STAU2: variants seen among roughly 807,000 people sequenced by gnomAD.
STAU2 encodes the protein double-stranded RNA-binding protein Staufen homolog 2.
In STAU2, 20 loss-of-function variants were observed where a neutral mutation model predicts 65.9. The observed-to-expected ratio is 0.30, with a 90% CI of 0.21 to 0.44. STAU2 has a LOEUF of 0.44. Among genes scored for constraint, STAU2 ranks in the 20% least tolerant of loss-of-function variants. The pLI is 1.00. For missense variants in STAU2, 558 were observed against 683.9 expected, an observed-to-expected ratio of 0.82 and a Z score of 2.05; for synonymous variants, 232 against 233.9, an observed-to-expected ratio of 0.99 and a Z score of 0.07.
At chr8:73,561,556 C>G (rs944470743) in intron 12 of STAU2, 5 of 454,142 alleles carry the variant, frequency 1.1e-5, no homozygotes, top group African/African-American at 1.0e-4. Context: ...CAGAAAAACA[C>G]CAAAAAATGG....
intron 3 of STAU2, among the ~76,000 whole-genome samples, chr8:73,727,358 C>T (rs1181862310): frequency 6.6e-6 from 1 of 152,228 alleles, no homozygotes; most frequent in Non-Finnish European, 1.5e-5. Flanking sequence ...ATTCAACACC[C>T]ATTAGGCAGT....
Position 73,739,779 on chromosome 8 carries a change from C to T in STAU2, c.-107G>A. On this transcript the variant is annotated 5_prime_UTR_variant, in exon 2 of 15. Coordinates refer to ENST00000524300, the MANE Select transcript of STAU2 (RefSeq NM_001164380.2). Reference sequence around the variant, plus strand: ...ACCTTCTGAGCCTTGGTTCAAATTACTTTGTGTATCTTTGAGTTCTTCTTT... The same window carrying T: ...ACCTTCTGAGCCTTGGTTCAAATTATTTTGTGTATCTTTGAGTTCTTCTTT... 3 of 1,520,848 alleles carry T rather than the reference C, an allele frequency of 2.0e-6. No individual in the cohort carries two copies. Among genetic ancestry groups the T allele is most frequent in the Non-Finnish European group, 2.6e-6 (3 of 1,142,894 alleles). 94.2% of individuals were successfully genotyped at this position (1,520,848 alleles called of 1,614,324 possible).
At chr8:73,582,645 T>C in intron 12 of STAU2, 125 bp downstream of exon 12, 1 of 804,036 alleles carries the variant, frequency 1.2e-6, no homozygotes, top group Non-Finnish European at 2.0e-6. Context: ...CAGGACTCCT[T>C]TGTACCCTCC....
intron 12 of STAU2, among the ~76,000 whole-genome samples, chr8:73,558,982 AG>A (rs1230874375): frequency 6.6e-6 from 1 of 152,226 alleles, no homozygotes; most frequent in Non-Finnish European, 1.5e-5. Flanking sequence ...AACTAGAAAC[AG>A]GGGCTTCTGG....
intron 11 of STAU2, among the ~76,000 whole-genome samples, chr8:73,593,069 T>C (rs1810940125): frequency 6.6e-6 from 1 of 152,178 alleles, no homozygotes; most frequent in East Asian, 1.9e-4. Flanking sequence ...TCTTATCTAC[T>C]ATTCAAATCT....
At chr8:73,457,377 G>C (rs988536374) in intron 13 of STAU2, among the ~76,000 whole-genome samples, 2 of 152,172 alleles carry the variant, frequency 1.3e-5, no homozygotes, top group African/African-American at 2.4e-5. Flanking sequence ...GGCCAACAAG[G>C]CTGCCCCCAG....
At chr8:73,575,815 C>T (rs1484121529) in intron 12 of STAU2, among the ~76,000 whole-genome samples, 1 of 14,090 alleles carries the variant, frequency 7.1e-5, no homozygotes, top group Non-Finnish European at 1.1e-4. Flanking sequence ...TGGGACAATA[C>T]ACACACAAAA....
intron 12 of STAU2, among the ~76,000 whole-genome samples, chr8:73,582,109 T>A (rs1318955769): frequency 2.0e-5 from 3 of 152,220 alleles, no homozygotes; most frequent in Non-Finnish European, 4.4e-5. Context: ...ACGTCCAATG[T>A]AAAATATCTT....
chr8:73,596,089 G>T (rs575401732), intron 10 of STAU2, among the ~76,000 whole-genome samples: 3 of 151,538 alleles, frequency 2.0e-5, no homozygotes, highest in African/African-American at 7.3e-5. Context: ...TCCAGCCTGG[G>T]GCCACAGAGC....
intron 4 of STAU2, chr8:73,697,213 C>T (rs1418804037): frequency 1.3e-5 from 2 of 152,142 alleles, no homozygotes; most frequent in Admixed American, 6.5e-5. Flanking sequence ...ACCACCATAC[C>T]CAGCTAATTG....
intron 13 of STAU2, among the ~76,000 whole-genome samples, chr8:73,426,033 T>A (rs1176583347): frequency 6.6e-6 from 1 of 152,190 alleles, no homozygotes; most frequent in Non-Finnish European, 1.5e-5. Flanking sequence ...CCTCAAGTGA[T>A]CCACCTGCCC....
chr8:73,638,586 C>T (rs918935384), intron 6 of STAU2, among the ~76,000 whole-genome samples: 9 of 151,146 alleles, frequency 6.0e-5, no homozygotes, highest in African/African-American at 2.2e-4. Context: ...AAAATTCCAC[C>T]CACTAAAGTT....
intron 13 of STAU2, chr8:73,511,535 C>T (rs1822403083): frequency 6.5e-6 from 1 of 152,686 alleles, no homozygotes; most frequent in Non-Finnish European, 1.5e-5. Flanking sequence ...CCAGGAGCAC[C>T]TCGAGGTTGA....
rs1160793491 is a variant in STAU2 at position 73,738,072 on chromosome 8, C to T, written c.-18+212G>A. Among the ~76,000 whole-genome samples, 3 of 152,176 alleles carry T rather than the reference C, an allele frequency of 2.0e-5. No individual in the cohort carries two copies. The South Asian group carries it at 6.2e-4, about 31-fold the overall frequency. ...AAGAACAGACAAACCTTCTGCCTTGCACAACCAGAAGTTATCAACTTTCAG... is the reference window on the plus strand; with the variant it reads ...AAGAACAGACAAACCTTCTGCCTTGTACAACCAGAAGTTATCAACTTTCAG... On this transcript the variant is annotated intron_variant, in intron 3 of 14. Coordinates refer to ENST00000524300, the MANE Select transcript of STAU2 (RefSeq NM_001164380.2).
intron 11 of STAU2, among the ~76,000 whole-genome samples, chr8:73,591,970 C>T (rs1393537815): frequency 7.6e-6 from 1 of 131,984 alleles, no homozygotes; most frequent in Non-Finnish European, 1.6e-5. Context: ...AGAGCTAAAT[C>T]AGTACTTAAA....
intron 13 of STAU2, among the ~76,000 whole-genome samples, chr8:73,513,487 T>C (rs1822527458): frequency 1.3e-5 from 2 of 152,296 alleles, no homozygotes; most frequent in South Asian, 2.1e-4. Flanking sequence ...TGGCATTTAC[T>C]TTCTGCCAGG....
chr8:73,520,383 T>C (rs868558627), intron 13 of STAU2, among the ~76,000 whole-genome samples: 4 of 152,218 alleles, frequency 2.6e-5, no homozygotes, highest in Non-Finnish European at 5.9e-5. Context: ...ATATTTTAGA[T>C]ATATTGGGTT....
At chr8:73,471,817 TAAAAAAAAA>T (rs569600617) in intron 13 of STAU2, among the ~76,000 whole-genome samples, 1 of 86,808 alleles carries the variant, frequency 1.2e-5, no homozygotes, top group African/African-American at 4.7e-5. Flanking sequence ...AGACTCCAAC[TAAAAAAAAA>T]AAAAAAAAAA....
chr8:73,471,627 T>C (rs1820022352), intron 13 of STAU2, among the ~76,000 whole-genome samples: 1 of 151,436 alleles, frequency 6.6e-6, no homozygotes, highest in Non-Finnish European at 1.5e-5. Flanking sequence ...GAGAACAGCC[T>C]GGCCAATGTG....
Sources: allele counts gnomAD v4.1 joint callset (sites outside exome capture counted in the v4.1 genomes callset), GRCh38; gene constraint gnomAD v4.1.1; transcripts MANE v1.5; gene names NCBI Gene and HGNC (gene_info 2026-07-23, HGNC 2026-07-21).